The following F2RL3 variants were observed in gnomAD, a reference collection of about 807,000 sequenced individuals.
The protein encoded by F2RL3 is F2R like thrombin or trypsin receptor 3, also known as proteinase-activated receptor 4.
A neutral mutation model predicts 4.9 loss-of-function variants in F2RL3; 3 were observed. That is an observed-to-expected ratio of 0.61 (90% confidence interval 0.28 to 1.58). The LOEUF (loss-of-function observed/expected upper bound fraction) is 1.58. Ranked by LOEUF, F2RL3 falls within the 40% of genes most tolerant of loss-of-function variation. The pLI, the probability that F2RL3 is intolerant of heterozygous loss-of-function variation, is 0.11. For missense variants in F2RL3, 564 were observed against 550.4 expected, an observed-to-expected ratio of 1.02 and a Z score of -0.25; for synonymous variants, 284 against 278.4, an observed-to-expected ratio of 1.02 and a Z score of -0.20.
Position 16,891,335 on chromosome 19 carries a change from A to T in F2RL3, c.*714A>T, listed in dbSNP as rs1014476550. 7.9e-5 allele frequency: 12 copies of T among 152,382 alleles called. No individual in the cohort carries two copies. The highest frequency in any genetic ancestry group is 2.9e-4 in the African/African-American group (12 of 41,560). The allele number at this position is 152,382 out of a possible 1,614,324, so 9.4% of individuals were successfully genotyped here. ...CCACTCAAGAGGCACAGGCGGGAGGATCACTTGAGCCTGGGAGGTTGTGGT... is the reference window on the plus strand; with the variant it reads ...CCACTCAAGAGGCACAGGCGGGAGGTTCACTTGAGCCTGGGAGGTTGTGGT... On this transcript the variant is annotated 3_prime_UTR_variant, in exon 2 of 2. Transcript: ENST00000248076.
Position 16,890,805 on chromosome 19 carries a change from G to A in F2RL3, c.*184G>A. On this transcript the variant is annotated 3_prime_UTR_variant, in exon 2 of 2. Coordinates refer to ENST00000248076, the MANE Select transcript of F2RL3 (RefSeq NM_003950.4). ...GGGTGGTGTCCTCATAAGATAAGGA[G>A]AGGCCAGGCCTGGTGGCTCACGCCT... The A allele has an allele frequency of 1.6e-6, 1 of 611,298 alleles. No homozygotes were observed. 37.9% of individuals were successfully genotyped at this position (611,298 alleles called of 1,614,324 possible).
chr19:16,889,057 G>C lies in F2RL3; in HGVS notation c.-133G>C. The C allele has an allele frequency of 4.8e-6, 3 of 630,164 alleles. No individual in the cohort carries two copies. Among genetic ancestry groups the C allele is most frequent in the South Asian group, 2.4e-5 (1 of 41,872 alleles). 39.0% of individuals were successfully genotyped at this position (630,164 alleles called of 1,614,324 possible). ...GCAAGCGGCCCTGGTGGGTCTGCGGGGGCAGGGGCAGCCTTCCTGGTTTAT... is the reference window on the plus strand; with the variant it reads ...GCAAGCGGCCCTGGTGGGTCTGCGGCGGCAGGGGCAGCCTTCCTGGTTTAT... On this transcript the variant is annotated 5_prime_UTR_variant, in exon 1 of 2. Transcript: ENST00000248076.
At position 16,892,038 on chromosome 19, in the gene F2RL3, C is replaced by A. The variant is rs568654483; in HGVS notation, c.*1417C>A. ...GTTTTAAGCTGCCTGGCATGTGGCA[C>A]TTTGTCAGGGCAGCCCAGGAATCTG... On this transcript the variant is annotated 3_prime_UTR_variant, in exon 2 of 2. Transcript: ENST00000248076. 1 of 152,296 alleles carries A rather than the reference C, an allele frequency of 6.6e-6. No homozygotes were observed. The highest frequency in any genetic ancestry group is 2.1e-4 in the South Asian group (1 of 4,834). The allele number at this position is 152,296 out of a possible 1,614,324, so 9.4% of individuals were successfully genotyped here.
Position 16,891,298 on chromosome 19 carries a change from C to T in F2RL3, c.*677C>T, listed in dbSNP as rs2051788738. On this transcript the variant is annotated 3_prime_UTR_variant, in exon 2 of 2. Transcript: ENST00000248076. Reference sequence around the variant, plus strand: ...ATGAACCAGGCATTGTGGCATGCGCCTATAGTCCCAGCCACTCAAGAGGCA... The same window carrying T: ...ATGAACCAGGCATTGTGGCATGCGCTTATAGTCCCAGCCACTCAAGAGGCA... 2 of 152,068 alleles carry T rather than the reference C, an allele frequency of 1.3e-5. No homozygotes were observed. The highest frequency in any genetic ancestry group is 6.6e-5 in the Admixed American group (1 of 15,264). 9.4% of individuals were successfully genotyped at this position (152,068 alleles called of 1,614,324 possible).
chr19:16,890,017 G>A lies in F2RL3; in HGVS notation c.554G>A (p.Arg185His), dbSNP rs1442914457. The stretch of plus-strand genomic sequence containing the variant: ...GCCCTGGTGCACCCGCTGCGGGCCC[G>A]CGCCCTGCGTGGCCGGCGCCTGGCC... ...YLALVHPLRA[R>H]ALRGRRLALG... is the part of the protein sequence containing the mutation. Residue 185 changes from arginine to histidine, a missense_variant, in exon 2 of 2, where the codon CGC (arginine) becomes CAC (histidine). Arg to His is a conservative substitution (Grantham distance 29, BLOSUM62 0). Coordinates refer to ENST00000248076, the MANE Select transcript of F2RL3 (RefSeq NM_003950.4). The A allele has an allele frequency of 7.5e-6, 12 of 1,597,620 alleles. No individual in the cohort carries two copies. Among genetic ancestry groups the A allele is most frequent in the East Asian group, 2.2e-5 (1 of 44,698 alleles).
chr19:16,891,122 A>G lies in F2RL3; in HGVS notation c.*501A>G, dbSNP rs1471109520. On this transcript the variant is annotated 3_prime_UTR_variant, in exon 2 of 2. Coordinates refer to ENST00000248076, the MANE Select transcript of F2RL3 (RefSeq NM_003950.4). ...TTAATTAATTTAATTCAATTTTAAA[A>G]AGACGAAAAGTGACGGCCAGGTGCA... 1.3e-5 allele frequency: 2 copies of G among 154,020 alleles called. No individual in the cohort carries two copies. Among genetic ancestry groups the G allele is most frequent in the Non-Finnish European group, 2.9e-5 (2 of 69,250 alleles). 9.5% of individuals were successfully genotyped at this position (154,020 alleles called of 1,614,324 possible). A position where few individuals can be genotyped will look rare whatever the true frequency, so the allele number is the denominator to read the frequency against.
intron 1 of F2RL3, 99 bp downstream of exon 1, chr19:16,889,397 T>G: frequency 8.1e-7 from 1 of 1,240,002 alleles, no homozygotes; most frequent in Non-Finnish European, 1.1e-6. Context: ...GTTGCGGGCT[T>G]CAGCCCAGCC....
rs990261402 is a variant in F2RL3, at chr19:16,889,234, C to G, written c.45C>G (p.Ser15Arg). ...LLLWPLVLGF[S>R]LSGGTQTPSV... ...TGTGGCCCCTGGTGCTGGGGTTCAG[C>G]CTGTCTGGCGGCACCCAGACCCCCA... The change falls in exon 1 of 2, where the codon AGC becomes AGG. Residue 15 changes from serine to arginine, a missense_variant. By Grantham distance (110) the Ser-to-Arg change is moderately radical (BLOSUM62 -1). Transcript: ENST00000248076. The G allele has an allele frequency of 1.9e-6, 3 of 1,591,032 alleles. No homozygotes were observed. The African/African-American group carries it at 4.0e-5, about 21-fold the overall frequency.
Position 16,889,868 on chromosome 19 carries a change from C to T in F2RL3, c.405C>T (p.Tyr135=), listed in dbSNP as rs773433028. 2.5e-6 allele frequency: 4 copies of T among 1,592,960 alleles called. No homozygotes were observed. The highest frequency in any genetic ancestry group is 2.6e-6 in the Non-Finnish European group (3 of 1,175,822). ...TGGCGCTGCCCCCGCGGATCGCCTA[C>T]CACCTGCGTGGCCAGCGCTGGCCCT... ...LALALPPRIA[Y]HLRGQRWPFG... Residue 135 remains tyrosine (Y), a synonymous_variant, in exon 2 of 2, where the codon TAC becomes TAT. Transcript: ENST00000248076.
chr19:16,890,490 G>T lies in F2RL3; in HGVS notation c.1027G>T (p.Val343Leu). ...SCVDPFIYYY[V>L]SAEFRDKVRA... ...CGTGGATCCCTTCATCTACTACTACGTGTCGGCCGAGTTCAGGGACAAGGT... is the reference window on the plus strand; with the variant it reads ...CGTGGATCCCTTCATCTACTACTACTTGTCGGCCGAGTTCAGGGACAAGGT... The change falls in exon 2 of 2, where the codon GTG (valine) becomes TTG (leucine). Residue 343 changes from valine to leucine, a missense_variant. By Grantham distance (32) the Val-to-Leu change is conservative. Coordinates refer to ENST00000248076, the MANE Select transcript of F2RL3 (RefSeq NM_003950.4). The T allele has an allele frequency of 6.2e-7, 1 of 1,612,834 alleles. No individual in the cohort carries two copies. The highest frequency in any genetic ancestry group is 1.3e-5 in the African/African-American group (1 of 75,062).
In F2RL3 at chr19:16,889,821, G is replaced by A. The variant is rs773902; in HGVS notation, c.358G>A (p.Ala120Thr). ...PSTMLLMNLA[A>T]ADLLLALALP... ...CACCATGCTGCTGATGAACCTCGCG[G>A]CTGCTGACCTCCTGCTGGCCCTGGC... The change falls in exon 2 of 2, where the codon GCT becomes ACT. Residue 120 changes from alanine to threonine, a missense_variant. Transcript: ENST00000248076. The A allele has an allele frequency of 0.22, 349,790 of 1,597,532 alleles. 44,118 individuals are homozygous for A. Among genetic ancestry groups the A allele is most frequent in the African/African-American group, 0.57 (42,339 of 74,902 alleles).
chr19:16,889,546 C>T, intron 1 of F2RL3, 27 bp from the exon 2 acceptor site: 2 of 1,533,186 alleles, frequency 1.3e-6, no homozygotes, highest in South Asian at 1.3e-5. Context: ...GAGGCAGGGG[C>T]TGACTGAGGT....
rs754699995 is a variant in F2RL3 at position 16,890,540 on chromosome 19, G to A, written c.1077G>A (p.Ser359=). ...TGCGGGCAGGGCTCTTCCAACGGTC[G>A]CCGGGGGACACCGTGGCCTCCAAGG... is the stretch of plus-strand genomic sequence containing the variant. ...DKVRAGLFQR[S]PGDTVASKAS... The change falls in exon 2 of 2, where the codon TCG becomes TCA. Residue 359 remains serine (S), a synonymous_variant. Transcript: ENST00000248076. 26 of 1,610,214 alleles carry A rather than the reference G, an allele frequency of 1.6e-5. No individual in the cohort carries two copies. Among genetic ancestry groups the A allele is most frequent in the Middle Eastern group, 1.7e-4 (1 of 6,060 alleles).
chr19:16,890,228 G>T lies in F2RL3; in HGVS notation c.765G>T (p.Leu255=), dbSNP rs1366386031. The change falls in exon 2 of 2, where the codon CTG becomes CTT. Residue 255 remains leucine (L), a synonymous_variant. Coordinates refer to ENST00000248076, the MANE Select transcript of F2RL3 (RefSeq NM_003950.4). ...GCCTGGCGCTGTTGGGCTGTTTCCT[G>T]CCCCTGCTGGCCATGCTGCTGTGCT... ...FTCLALLGCF[L]PLLAMLLCYG... is the part of the protein sequence containing the mutation. 6.3e-7 allele frequency: 1 copy of T among 1,578,162 alleles called. No homozygotes were observed. The highest frequency in any genetic ancestry group is 1.1e-5 in the South Asian group (1 of 88,504).
chr19:16,889,402 C>CCG, intron 1 of F2RL3, 104 bp downstream of exon 1: 1 of 1,211,674 alleles, frequency 8.3e-7, no homozygotes, highest in Non-Finnish European at 1.2e-6. Flanking sequence ...GGGCTTCAGC[C>CCG]CAGCCCACTC....
chr19:16,891,194 G>A lies in F2RL3; in HGVS notation c.*573G>A, dbSNP rs2144651385. 6.5e-6 allele frequency: 1 copy of A among 152,874 alleles called. No homozygotes were observed. The highest frequency in any genetic ancestry group is 2.1e-4 in the South Asian group (1 of 4,844). The allele number at this position is 152,874 out of a possible 1,614,324, so 9.5% of individuals were successfully genotyped here. ...AGCACTCTGGGAGGCCAAGATGGAG[G>A]ATTGCTTGAAGCCAGGAGTTTGGGA... On this transcript the variant is annotated 3_prime_UTR_variant, in exon 2 of 2. Transcript: ENST00000248076.
rs1245093939 is a variant in F2RL3 at position 16,889,792 on chromosome 19, C to A, written c.329C>A (p.Pro110His). 2 of 1,599,230 alleles carry A rather than the reference C, an allele frequency of 1.3e-6. No homozygotes were observed. Among genetic ancestry groups the A allele is most frequent in the African/African-American group, 2.7e-5 (2 of 74,978 alleles). Residue 110 changes from proline (P) to histidine (H), a missense_variant, in exon 2 of 2, where the codon CCC becomes CAC. Physicochemically the swap from Pro to His is moderately conservative, Grantham distance 77. Transcript: ENST00000248076. ...WVLATQAPRL[P>H]STMLLMNLAA... ...CTGGCCACGCAGGCACCTCGGCTGC[C>A]CTCCACCATGCTGCTGATGAACCTC...
chr19:16,889,357 GC>G, intron 1 of F2RL3, 59 bp downstream of exon 1: 1 of 1,438,318 alleles, frequency 7.0e-7, no homozygotes. Context: ...GGAGCTGGGG[GC>G]CCGGAGCTGG....
Position 16,890,052 on chromosome 19 carries a change from T to G in F2RL3, c.589T>G (p.Cys197Gly). The change falls in exon 2 of 2, where the codon TGC becomes GGC. Residue 197 changes from cysteine (C) to glycine (G), a missense_variant. Cys to Gly is a radical substitution (Grantham distance 159). Coordinates refer to ENST00000248076, the MANE Select transcript of F2RL3 (RefSeq NM_003950.4). The part of the protein sequence containing the change: ...LRGRRLALGL[C>G]MAAWLMAAAL... Reference sequence around the variant, plus strand: ...TGGCCGGCGCCTGGCCCTTGGACTCTGCATGGCTGCTTGGCTCATGGCGGC... The same window carrying G: ...TGGCCGGCGCCTGGCCCTTGGACTCGGCATGGCTGCTTGGCTCATGGCGGC... 6.3e-7 allele frequency: 1 copy of G among 1,598,940 alleles called. No individual in the cohort carries two copies. The highest frequency in any genetic ancestry group is 8.5e-7 in the Non-Finnish European group (1 of 1,178,978).
Sources: gnomAD v4.1 joint callset for allele counts on GRCh38, gnomAD v4.1.1 for gene constraint, MANE v1.5 for transcripts, NCBI Gene and HGNC (gene_info 2026-07-23, HGNC 2026-07-21) for gene names.